Variants in CEP85L observed in about 807,000 individuals in gnomAD.
CEP85L encodes centrosomal protein 85L, also known as centrosomal protein of 85 kDa-like.
In CEP85L, 60 loss-of-function variants were observed where a neutral mutation model predicts 100.3. The observed-to-expected ratio is 0.60, with a 90% confidence interval of 0.49 to 0.74. The LOEUF (loss-of-function observed/expected upper bound fraction) is 0.74. Among genes scored for constraint, CEP85L ranks in the 30% least tolerant of loss-of-function variants. CEP85L has a pLI of 0.00. For synonymous variants in CEP85L, 319 were observed against 322.7 expected (o/e 0.99, Z 0.12); for missense variants, 973 against 936.2 (o/e 1.04, Z -0.51).
In CEP85L at chr6:118,463,365, A is replaced by G. The variant is rs1308469079; in HGVS notation, c.*2040T>C. ...TAGTGATTGTTTGCCAATTTGTTCT[A>G]TTATTTTAGGAAGCCTTTATTTCTA... On this transcript the variant is annotated 3_prime_UTR_variant, in exon 13 of 13. Coordinates refer to ENST00000368491, the MANE Select transcript of CEP85L (RefSeq NM_001042475.3). The G allele has an allele frequency of 6.6e-6, 1 of 151,978 alleles. No homozygotes were observed. The highest frequency in any genetic ancestry group is 1.5e-5 in the Non-Finnish European group (1 of 67,896). 9.4% of individuals were successfully genotyped at this position (151,978 alleles called of 1,614,324 possible). A position where few individuals can be genotyped will look rare whatever the true frequency, so the allele number is the denominator to read the frequency against.
chr6:118,465,384 T>C lies in CEP85L; in HGVS notation c.*21A>G, dbSNP rs1772437896. On this transcript the variant is annotated 3_prime_UTR_variant, in exon 13 of 13. Transcript: ENST00000368491. ...CAGCATTTAAACAACAGGTCATTATTGCTGTGGGACTAACACTTGATCACT... is the reference window on the plus strand; with the variant it reads ...CAGCATTTAAACAACAGGTCATTATCGCTGTGGGACTAACACTTGATCACT... The C allele has an allele frequency of 6.2e-7, 1 of 1,608,286 alleles. No individual in the cohort carries two copies. The highest frequency in any genetic ancestry group is 1.3e-5 in the African/African-American group (1 of 74,714).
chr6:118,524,305 G>C (rs1404118396), intron 3 of CEP85L, among the ~76,000 whole-genome samples: 1 of 152,092 alleles, frequency 6.6e-6, no homozygotes, highest in Non-Finnish European at 1.5e-5. Flanking sequence ...TTAGCCAGGC[G>C]TGGTGGCAGG....
intron 10 of CEP85L, among the ~76,000 whole-genome samples, chr6:118,472,568 C>A (rs1268878454): frequency 3.9e-5 from 6 of 151,972 alleles, no homozygotes; most frequent in Admixed American, 1.3e-4. Context: ...AAGAAAAATT[C>A]TATCAAGAAT....
At chr6:118,701,527 A>T (rs1777406891) in intron 1 of CEP85L, among the ~76,000 whole-genome samples, 1 of 152,236 alleles carries the variant, frequency 6.6e-6, no homozygotes, top group African/African-American at 2.4e-5. Flanking sequence ...GTAGGAACAG[A>T]AAACCAAATA....
chr6:118,532,596 T>G (rs1232309836), intron 3 of CEP85L, among the ~76,000 whole-genome samples: 1 of 152,182 alleles, frequency 6.6e-6, no homozygotes, highest in African/African-American at 2.4e-5. Context: ...TCTAAAGATT[T>G]AGATGAAATG....
intron 2 of CEP85L, among the ~76,000 whole-genome samples, chr6:118,616,193 G>C (rs1773031600): frequency 6.6e-6 from 1 of 152,036 alleles, no homozygotes; most frequent in African/African-American, 2.4e-5. Flanking sequence ...AAACCATAAA[G>C]GGAAAAAACC....
chr6:118,697,962 C>T (rs942057046), intron 1 of CEP85L, among the ~76,000 whole-genome samples: 2 of 152,124 alleles, frequency 1.3e-5, no homozygotes, highest in Non-Finnish European at 1.5e-5. Flanking sequence ...GTTCCTGCTG[C>T]GAACTTCGTA....
intron 6 of CEP85L, among the ~76,000 whole-genome samples, chr6:118,489,793 T>A (rs1033461904): frequency 2.0e-5 from 3 of 152,144 alleles, no homozygotes; most frequent in African/African-American, 7.2e-5. Flanking sequence ...TGGATATTTA[T>A]CCAAAAGAAT....
intron 2 of CEP85L, among the ~76,000 whole-genome samples, chr6:118,571,102 T>C (rs1458829588): frequency 6.6e-6 from 1 of 152,196 alleles, no homozygotes; most frequent in East Asian, 1.9e-4. Context: ...GGGTCATTAT[T>C]ATACCTTAGA....
Position 118,481,799 on chromosome 6 carries a change from C to G in CEP85L, c.1725G>C (p.Glu575Asp). 1 of 1,586,820 alleles carries G rather than the reference C, an allele frequency of 6.3e-7. No homozygotes were observed. Among genetic ancestry groups the G allele is most frequent in the East Asian group, 2.3e-5 (1 of 43,612 alleles). ...QLICQKKKEK[E>D]LVTTVQSLQQ... ...CTTACCTCTGAACGGTAGTTACTAA[C>G]TCCTTTTCTTTCTTTTTCTGGCATA... Residue 575 changes from glutamate to aspartate, a missense_variant, in exon 8 of 13, where the codon GAG (glutamate) becomes GAC (aspartate). Glu to Asp is a conservative substitution (Grantham distance 45). This residue lies in a region of CEP85L where 890 missense variants were observed against 844.5 expected (regional missense o/e 1.05). Coordinates refer to ENST00000368491, the MANE Select transcript of CEP85L (RefSeq NM_001042475.3).
intron 1 of CEP85L, among the ~76,000 whole-genome samples, chr6:118,645,335 C>T (rs1775111959): frequency 6.6e-6 from 1 of 152,166 alleles, no homozygotes; most frequent in African/African-American, 2.4e-5. Flanking sequence ...ACACTAGCTG[C>T]ATCATCTCAC....
At chr6:118,551,659 C>T (rs945630478) in intron 3 of CEP85L, among the ~76,000 whole-genome samples, 2 of 152,002 alleles carry the variant, frequency 1.3e-5, no homozygotes, top group African/African-American at 4.8e-5. Flanking sequence ...AGAGCTTTAA[C>T]ATGAGAAGCA....
At chr6:118,625,944 C>T (rs1378416543) in intron 2 of CEP85L, among the ~76,000 whole-genome samples, 3 of 152,294 alleles carry the variant, frequency 2.0e-5, no homozygotes, top group Non-Finnish European at 4.4e-5. Context: ...CCGAGGACCC[C>T]AGGATCAGCC....
At chr6:118,651,947 C>G (rs573434635), upstream of CEP85L, 1,374 of 984,896 alleles carry the variant, frequency 1.4e-3, 3 homozygotes, top group Non-Finnish European at 1.6e-3. Flanking sequence ...CACAACCGCT[C>G]GAGATGAAAA....
At chr6:118,542,900 CAAAAAAAAAAAAAA>C (rs71012391) in intron 3 of CEP85L, among the ~76,000 whole-genome samples, 1 of 67,136 alleles carries the variant, frequency 1.5e-5, no homozygotes, top group Non-Finnish European at 2.9e-5. Flanking sequence ...CAAGTTTTCC[CAAAAAAAAAAAAAA>C]AAAAAAAAAC....
At chr6:118,476,858 A>G (rs898367931) in intron 10 of CEP85L, among the ~76,000 whole-genome samples, 1 of 152,242 alleles carries the variant, frequency 6.6e-6, no homozygotes, top group Non-Finnish European at 1.5e-5. Context: ...TCTTGCAATT[A>G]GTAAACATTT....
chr6:118,470,487 T>A, intron 11 of CEP85L, 50 bp downstream of exon 11: 1 of 1,086,594 alleles, frequency 9.2e-7, no homozygotes, highest in Non-Finnish European at 1.3e-6. Context: ...AAAATAAGCA[T>A]TTTATAGTGA....
chr6:118,516,327 C>A (rs1327062653), intron 4 of CEP85L, among the ~76,000 whole-genome samples: 2 of 152,200 alleles, frequency 1.3e-5, no homozygotes, highest in Non-Finnish European at 2.9e-5. Context: ...GGAATTGCCA[C>A]ACTGTCTTCC....
chr6:118,575,718 A>T (rs549295131), intron 2 of CEP85L, among the ~76,000 whole-genome samples: 6 of 152,312 alleles, frequency 3.9e-5, no homozygotes, highest in African/African-American at 1.4e-4. Context: ...GGGGTCCTCA[A>T]GCTATATGTG....
Sources: allele counts gnomAD v4.1 joint callset (sites outside exome capture counted in the v4.1 genomes callset), GRCh38; gene constraint gnomAD v4.1.1; regional missense constraint gnomAD v4.1.1; transcripts MANE v1.5; gene names NCBI Gene and HGNC (gene_info 2026-07-23, HGNC 2026-07-21).